Variants in RBFOX1 observed in about 807,000 individuals in gnomAD.
The protein encoded by RBFOX1 is RNA binding protein fox-1 homolog 1.
A neutral mutation model predicts 57.7 loss-of-function variants in RBFOX1; 8 were observed. That is an observed-to-expected ratio of 0.14 (90% confidence interval 0.08 to 0.25). The LOEUF (loss-of-function observed/expected upper bound fraction) is 0.25, where lower values mean the gene tolerates loss of function less well. Among genes scored for constraint, RBFOX1 ranks in the 10% least tolerant of loss-of-function variants. The pLI, the probability that RBFOX1 is intolerant of heterozygous loss-of-function variation, is 1.00. For synonymous variants in RBFOX1, 326 were observed against 222.4 expected (o/e 1.47, Z -4.15); for missense variants, 611 against 548.5 (o/e 1.11, Z -1.14).
At chr16:7,633,898 T>C (rs1444697176) in intron 11 of RBFOX1, among the ~76,000 whole-genome samples, 1 of 152,218 alleles carries the variant, frequency 6.6e-6, no homozygotes, top group Non-Finnish European at 1.5e-5. Flanking sequence ...ACTTAGGTTT[T>C]TCTCTTCCAG....
chr16:6,135,537 T>TG (rs201281664), intron 1 of RBFOX1, among the ~76,000 whole-genome samples: 2 of 152,180 alleles, frequency 1.3e-5, no homozygotes, highest in African/African-American at 2.4e-5. Context: ...GGTGTGAATA[T>TG]GGGGGGTATT....
At chr16:6,698,623 G>C (rs17140957) in intron 3 of RBFOX1, among the ~76,000 whole-genome samples, 1 of 152,044 alleles carries the variant, frequency 6.6e-6, no homozygotes, top group Non-Finnish European at 1.5e-5. Flanking sequence ...TTCTCCATCT[G>C]TTATTCACCG....
At chr16:7,372,170 A>G (rs995474253) in intron 4 of RBFOX1, among the ~76,000 whole-genome samples, 1 of 152,160 alleles carries the variant, frequency 6.6e-6, no homozygotes, top group Admixed American at 6.5e-5. Flanking sequence ...CCTACTATAT[A>G]TAATGCTATT....
chr16:6,035,795 A>T (rs145040439), intron 1 of RBFOX1, among the ~76,000 whole-genome samples: 29 of 152,286 alleles, frequency 1.9e-4, no homozygotes, highest in African/African-American at 6.7e-4. Context: ...CCCCTGTTAC[A>T]TGGTGCCTTT....
chr16:7,656,028 T>C (rs1247198624), intron 12 of RBFOX1, among the ~76,000 whole-genome samples: 2 of 152,296 alleles, frequency 1.3e-5, no homozygotes, highest in East Asian at 3.9e-4. Flanking sequence ...GGGATGAAAA[T>C]TAATTTTAAT....
intron 1 of RBFOX1, among the ~76,000 whole-genome samples, chr16:6,077,618 C>T (rs565777071): frequency 3.0e-4 from 45 of 152,218 alleles, no homozygotes; most frequent in South Asian, 1.0e-3. Flanking sequence ...ACATGGTCTT[C>T]GGTAGGTCAA....
At chr16:6,884,390 A>G (rs1004048501) in intron 3 of RBFOX1, among the ~76,000 whole-genome samples, 6 of 152,168 alleles carry the variant, frequency 3.9e-5, no homozygotes, top group Non-Finnish European at 5.9e-5. Context: ...CAGTCAATGC[A>G]AGCAACCACT....
intron 2 of RBFOX1, among the ~76,000 whole-genome samples, chr16:5,572,098 T>C (rs1246235266): frequency 6.6e-6 from 1 of 152,144 alleles, no homozygotes; most frequent in Non-Finnish European, 1.5e-5. Flanking sequence ...GCTCTTTCCC[T>C]TGTGGTCCCT....
At chr16:7,226,295 A>T (rs1332907596) in intron 4 of RBFOX1, among the ~76,000 whole-genome samples, 1 of 152,200 alleles carries the variant, frequency 6.6e-6, no homozygotes, top group Admixed American at 6.5e-5. Context: ...ACTACAAGCT[A>T]CGGAGTTCTC....
intron 3 of RBFOX1, among the ~76,000 whole-genome samples, chr16:7,018,777 C>T (rs1469628688): frequency 8.9e-6 from 1 of 112,776 alleles, no homozygotes; most frequent in African/African-American, 3.1e-5. Flanking sequence ...TACCCTATAC[C>T]TTAAAGTATT....
chr16:6,139,561 T>C (rs923779856), intron 1 of RBFOX1, among the ~76,000 whole-genome samples: 3 of 152,196 alleles, frequency 2.0e-5, no homozygotes, highest in Admixed American at 2.0e-4. Flanking sequence ...CTCTGCATGG[T>C]GTTTGAAACA....
In RBFOX1 at chr16:5,950,532, C is replaced by G. The variant is rs868407597; in HGVS notation, c.351+83197C>G. 5.5e-4 allele frequency among the ~76,000 whole-genome samples: 83 copies of G among 152,204 alleles called. 1 individual carries two copies. Among genetic ancestry groups the G allele is most frequent in the Non-Finnish European group, 1.5e-4 (10 of 68,034 alleles). On this transcript the variant is annotated intron_variant, in intron 4 of 19. Transcript: ENST00000641259. ...CTCCACTCCCCATTCTTGAGTATCA[C>G]TACGGGCTCATAGATCCTTCTTAAG...
At chr16:6,884,204 A>C (rs1730729048) in intron 3 of RBFOX1, among the ~76,000 whole-genome samples, 1 of 152,160 alleles carries the variant, frequency 6.6e-6, no homozygotes, top group South Asian at 2.1e-4. Context: ...TTCCTGGCTC[A>C]TGTGCAGTCA....
At chr16:7,674,480 C>G (rs932732384) in intron 13 of RBFOX1, among the ~76,000 whole-genome samples, 2 of 152,172 alleles carry the variant, frequency 1.3e-5, no homozygotes, top group Admixed American at 6.5e-5. Flanking sequence ...GACCACTGAT[C>G]AAGGTTTAAA....
chr16:5,482,182 T>C (rs2069567249), intron 2 of RBFOX1, among the ~76,000 whole-genome samples: 1 of 152,166 alleles, frequency 6.6e-6, no homozygotes, highest in Admixed American at 6.5e-5. Flanking sequence ...GTCCCAGGAT[T>C]TGTAAGACCT....
At chr16:6,351,439 T>C (rs1170010181) in intron 2 of RBFOX1, among the ~76,000 whole-genome samples, 5 of 147,672 alleles carry the variant, frequency 3.4e-5, no homozygotes, top group Non-Finnish European at 7.4e-5. Context: ...AGTGGCATGA[T>C]GTCGGCTCAC....
intron 4 of RBFOX1, among the ~76,000 whole-genome samples, chr16:7,093,995 T>A (rs1005269993): frequency 6.6e-6 from 1 of 151,448 alleles, no homozygotes; most frequent in African/African-American, 2.4e-5. Context: ...AAAACAATGA[T>A]GTTGTCTTTA....
intron 1 of RBFOX1, among the ~76,000 whole-genome samples, chr16:5,319,380 C>T (rs905490629): frequency 6.6e-6 from 1 of 152,168 alleles, no homozygotes; most frequent in Non-Finnish European, 1.5e-5. Context: ...TGGTTCACAG[C>T]CCTGTTCTAG....
rs991043558 is a variant in RBFOX1, at chr16:6,502,812, G to A, written c.-63-151791G>A. Among the ~76,000 whole-genome samples, 3 of 152,146 alleles carry A rather than the reference G, an allele frequency of 2.0e-5. 1 individual carries two copies. The highest frequency in any genetic ancestry group is 4.2e-4 in the South Asian group (2 of 4,812). Reference sequence around the variant, plus strand: ...ATGGATGTAAGATACTTCTTTCTTGGCATTCTATTCTATTCTCGCTGGTTC... The same window carrying A: ...ATGGATGTAAGATACTTCTTTCTTGACATTCTATTCTATTCTCGCTGGTTC... On this transcript the variant is annotated intron_variant, in intron 2 of 15. Coordinates refer to ENST00000550418, the MANE Select transcript of RBFOX1 (RefSeq NM_018723.4).
Sources: allele counts gnomAD v4.1 joint callset (sites outside exome capture counted in the v4.1 genomes callset), GRCh38; gene constraint gnomAD v4.1.1; transcripts MANE v1.5; gene names NCBI Gene and HGNC (gene_info 2026-07-23, HGNC 2026-07-21).